The following DENND6B variants were observed in gnomAD, a reference collection of about 807,000 sequenced individuals.
DENND6B encodes DENN domain containing 6B, also known as protein DENND6B.
DENND6B carries 73 observed loss-of-function variants against 85.1 expected under a neutral mutation model. The ratio of observed to expected loss-of-function variants is 0.86; its 90% CI spans 0.71 to 1.04. The LOEUF (loss-of-function observed/expected upper bound fraction) is 1.04, where lower values mean the gene tolerates loss of function less well. Ranked by LOEUF, DENND6B falls within the 50% of genes least tolerant of loss-of-function variation. DENND6B has a pLI of 0.00. For missense variants in DENND6B, 715 were observed against 785.8 expected, an observed-to-expected ratio of 0.91 and a Z score of 1.08; for synonymous variants, 357 against 329.3, an observed-to-expected ratio of 1.08 and a Z score of -0.91.
chr22:50,315,626 TCA>T, intron 9 of DENND6B, 86 bp downstream of exon 9: 4 of 593,544 alleles, frequency 6.7e-6, no homozygotes, highest in Non-Finnish European at 6.8e-6. Context: ...ACACACATAC[TCA>T]CACACAGATG....
rs1307066693 is a variant in DENND6B, at chr22:50,316,081, T to C, written c.646A>G (p.Ile216Val). ...TCGGACTTGTCCACCCTGGATGGGA[T>C]GCGCACCTGGGAGAAGGAGGGAGCA... ...PVMGVVVQVR[I>V]PSRVDKSESS... Residue 216 changes from isoleucine (I) to valine (V), a missense_variant, in exon 8 of 20, where the codon ATC becomes GTC. Transcript: ENST00000413817. 1 of 1,612,628 alleles carries C rather than the reference T, an allele frequency of 6.2e-7. No homozygotes were observed. The highest frequency in any genetic ancestry group is 8.5e-7 in the Non-Finnish European group (1 of 1,179,802).
rs2068042673 is a variant in DENND6B, at chr22:50,310,302, T to C, written c.*1837A>G. The C allele has an allele frequency of 6.6e-6, 1 of 152,270 alleles. No homozygotes were observed. Among genetic ancestry groups the C allele is most frequent in the South Asian group, 2.1e-4 (1 of 4,838 alleles). 9.4% of individuals were successfully genotyped at this position (152,270 alleles called of 1,614,324 possible). A position where few individuals can be genotyped will look rare whatever the true frequency, so the allele number is the denominator to read the frequency against. On this transcript the variant is annotated 3_prime_UTR_variant, in exon 20 of 20. Coordinates refer to ENST00000413817, the MANE Select transcript of DENND6B (RefSeq NM_001001794.4). ...CGGCCTCTATGTGTTCTGTTTCATG[T>C]GGTCACATCCTTGGACCCTGCACCA...
intron 1 of DENND6B, among the ~76,000 whole-genome samples, chr22:50,321,609 G>A (rs990028260): frequency 1.3e-5 from 2 of 152,016 alleles, no homozygotes; most frequent in East Asian, 1.9e-4. Context: ...TGATCCACCC[G>A]CCTTGGCCTC....
At chr22:50,320,330 C>T (rs1390319309) in intron 1 of DENND6B, among the ~76,000 whole-genome samples, 1 of 152,242 alleles carries the variant, frequency 6.6e-6, no homozygotes, top group Non-Finnish European at 1.5e-5. Flanking sequence ...GCGATCCTCC[C>T]GCCTGAGCCT....
intron 5 of DENND6B, 197 bp downstream of exon 5, chr22:50,317,096 G>C: frequency 2.5e-6 from 1 of 401,288 alleles, no homozygotes; most frequent in Non-Finnish European, 4.5e-6. Flanking sequence ...AGGGTGGGGG[G>C]GTGGCGAGGA....
chr22:50,312,682 G>A (rs1361366272), intron 17 of DENND6B, 57 bp from the exon 18 acceptor site: 2 of 1,226,242 alleles, frequency 1.6e-6, no homozygotes, highest in African/African-American at 3.1e-5. Flanking sequence ...TGACAGGCGG[G>A]GGCCATGGGG....
At position 50,313,066 on chromosome 22, in the gene DENND6B, G is replaced by A. The variant is rs377653609; in HGVS notation, c.1390C>T (p.Arg464Cys). The A allele has an allele frequency of 5.5e-5, 86 of 1,560,060 alleles. No individual in the cohort carries two copies. Among genetic ancestry groups the A allele is most frequent in the Middle Eastern group, 1.7e-4 (1 of 6,012 alleles). Residue 464 changes from arginine (R) to cysteine (C), a missense_variant, in exon 17 of 20, where the codon CGT becomes TGT. By Grantham distance (180) the Arg-to-Cys change is radical. Transcript: ENST00000413817. ...TGGGGCCCAGCATGCTCCAGGCTAC[G>A]CAGGAAGTCATCCTGGCTGAAGGGC... Reference protein sequence around the residue: ...IQPFSQDDFLRSLEHAGPQLT... With the variant: ...IQPFSQDDFLCSLEHAGPQLT...
rs755868070 is a variant in DENND6B, at chr22:50,317,912, A to G, written c.368T>C (p.Leu123Pro). Residue 123 changes from leucine to proline, a missense_variant, in exon 4 of 20, where the codon CTG becomes CCG. Leu to Pro is a moderately conservative substitution (Grantham distance 98). Coordinates refer to ENST00000413817, the MANE Select transcript of DENND6B (RefSeq NM_001001794.4). ...GAGACGCAGCCCAGTGCTCACCTGC[A>G]GTGCCACAGGGGCCCTGCTGTTGTA... is the stretch of plus-strand genomic sequence containing the variant. Reference protein sequence around the residue: ...RHYNSRAPVALQREPAHYFGY... With the variant: ...RHYNSRAPVAPQREPAHYFGY... 1.2e-6 allele frequency: 2 copies of G among 1,607,760 alleles called. No individual in the cohort carries two copies. Among genetic ancestry groups the G allele is most frequent in the Admixed American group, 1.7e-5 (1 of 59,972 alleles).
At chr22:50,313,570 C>T (rs2068122994) in intron 15 of DENND6B, 65 bp downstream of exon 15, 2 of 1,231,164 alleles carry the variant, frequency 1.6e-6, no homozygotes, top group Non-Finnish European at 2.2e-6. Context: ...CAGCCCCGTC[C>T]CCCCCAACCC....
rs115024690 is a variant in DENND6B at position 50,319,578 on chromosome 22, T to G, written c.178-575A>C. ...GGGGCTCCACCTGGCCGGCCCTCCATCTCCCTCACCACCCGCCAAGCCAGA... is the reference window on the plus strand; with the variant it reads ...GGGGCTCCACCTGGCCGGCCCTCCAGCTCCCTCACCACCCGCCAAGCCAGA... On this transcript the variant is annotated intron_variant, in intron 1 of 19. Transcript: ENST00000413817. 1,562 of 934,168 alleles carry G rather than the reference T, an allele frequency of 1.7e-3. 27 individuals carry two copies. In the African/African-American group the frequency reaches 0.028, roughly 17 times the overall value. 57.9% of individuals were successfully genotyped at this position (934,168 alleles called of 1,614,324 possible). A position where few individuals can be genotyped will look rare whatever the true frequency, so the allele number is the denominator to read the frequency against.
intron 10 of DENND6B, 43 bp from the exon 11 acceptor site, chr22:50,314,743 C>G: frequency 1.3e-6 from 2 of 1,573,382 alleles, no homozygotes; most frequent in Non-Finnish European, 1.7e-6. Flanking sequence ...CAGGGGCAGC[C>G]CAGGCACAGC....
intron 1 of DENND6B, among the ~76,000 whole-genome samples, chr22:50,322,584 C>G (rs1348234295): frequency 6.6e-6 from 1 of 152,184 alleles, no homozygotes; most frequent in Non-Finnish European, 1.5e-5. Context: ...GAGTCTCACT[C>G]TGTCACCCAG....
intron 1 of DENND6B, among the ~76,000 whole-genome samples, chr22:50,320,454 T>G (rs1038134513): frequency 6.6e-6 from 1 of 152,250 alleles, no homozygotes; most frequent in Non-Finnish European, 1.5e-5. Flanking sequence ...CCTCTTCCAA[T>G]GCAGAGTAAG....
At chr22:50,314,179 G>T in intron 13 of DENND6B, 28 bp downstream of exon 13, 1 of 1,589,154 alleles carries the variant, frequency 6.3e-7, no homozygotes. Flanking sequence ...CCACGGTGGA[G>T]GGGCTCCAGG....
chr22:50,312,594 A>G lies in DENND6B; in HGVS notation c.1489T>C (p.Trp497Arg). 1 of 1,584,958 alleles carries G rather than the reference A, an allele frequency of 6.3e-7. No homozygotes were observed. The highest frequency in any genetic ancestry group is 1.1e-5 in the South Asian group (1 of 87,462). ...ATCTCCTTGTGCCGCTGCCGGTACC[A>G]GCCATCAAAATGGGGGGACTTGAAA... The part of the protein sequence containing the change: ...RFFKSPHFDG[W>R]YRQRHKEMAL... Residue 497 changes from tryptophan (W) to arginine (R), a missense_variant, in exon 18 of 20, where the codon TGG (tryptophan) becomes CGG (arginine). By Grantham distance (101) the Trp-to-Arg change is moderately radical. Transcript: ENST00000413817.
chr22:50,315,202 AG>A (rs1211482252), intron 9 of DENND6B: 1 of 457,560 alleles, frequency 2.2e-6, no homozygotes, highest in East Asian at 4.4e-5. Flanking sequence ...AAGCCGGGGC[AG>A]GGTCTGCTGA....
At chr22:50,316,708 A>C in intron 5 of DENND6B, 6 of 1,463,322 alleles carry the variant, frequency 4.1e-6, no homozygotes, top group Non-Finnish European at 4.5e-6. Flanking sequence ...GCTGGACCCT[A>C]GGGCCTTCGG....
At chr22:50,322,275 C>T (rs1350968988) in intron 1 of DENND6B, among the ~76,000 whole-genome samples, 1 of 152,032 alleles carries the variant, frequency 6.6e-6, no homozygotes, top group Non-Finnish European at 1.5e-5. Flanking sequence ...GGGGTTTCAC[C>T]GTGTTAGCCA....
chr22:50,313,757 G>A (rs764792770), intron 14 of DENND6B, 33 bp from the exon 15 acceptor site: 87 of 1,607,134 alleles, frequency 5.4e-5, no homozygotes, highest in Non-Finnish European at 6.3e-5. Context: ...CCCTTGCTGC[G>A]CTTCACACCA....
Sources: allele counts gnomAD v4.1 joint callset (sites outside exome capture counted in the v4.1 genomes callset), GRCh38; gene constraint gnomAD v4.1.1; transcripts MANE v1.5; gene names NCBI Gene and HGNC (gene_info 2026-07-23, HGNC 2026-07-21).